ZDHHC15: variants seen among roughly 807,000 people sequenced by gnomAD.
ZDHHC15 encodes the protein zDHHC palmitoyltransferase 15.
A neutral mutation model predicts 31.7 loss-of-function variants in ZDHHC15; 19 were observed. That is an observed-to-expected ratio of 0.60 (90% CI 0.42 to 0.88). The LOEUF (loss-of-function observed/expected upper bound fraction) is 0.88. ZDHHC15 is among the 40% of genes least tolerant of loss of function. The probability of loss-of-function intolerance (pLI) is 0.00; values close to 1 mark genes in which losing one functional copy is unlikely to be tolerated. For synonymous variants in ZDHHC15, 103 were observed against 90.0 expected (o/e 1.14, Z -0.82); for missense variants, 209 against 251.2 (o/e 0.83, Z 1.14).
At chrX:75,476,733 T>A (rs1178738714) in intron 3 of ZDHHC15, among the ~76,000 whole-genome samples, 1 of 103,244 alleles carries the variant, frequency 9.7e-6, no homozygotes, top group Admixed American at 1.1e-4. Flanking sequence ...CTCCTCCTCT[T>A]CCTCCCCTCC....
intron 1 of ZDHHC15, among the ~76,000 whole-genome samples, chrX:75,518,331 C>T (rs2085391927): frequency 9.0e-6 from 1 of 110,949 alleles, no homozygotes; most frequent in African/African-American, 3.3e-5. Flanking sequence ...CTTGAATAGA[C>T]ATTTTCCCAA....
At chrX:75,412,183 A>G (rs2083491814) in intron 10 of ZDHHC15, among the ~76,000 whole-genome samples, 3 of 111,938 alleles carry the variant, frequency 2.7e-5, no homozygotes, top group Non-Finnish European at 5.6e-5. Flanking sequence ...GGGGATTTGA[A>G]TTGATATCGC....
At chrX:75,379,472 C>G (rs1447134085) in intron 10 of ZDHHC15, among the ~76,000 whole-genome samples, 1 of 112,017 alleles carries the variant, frequency 8.9e-6, no homozygotes, top group African/African-American at 3.2e-5. Context: ...GATGACAGCT[C>G]AACATAATCT....
At chrX:75,406,629 C>T (rs1004099422) in intron 10 of ZDHHC15, among the ~76,000 whole-genome samples, 2 of 107,199 alleles carry the variant, frequency 1.9e-5, no homozygotes, top group Non-Finnish European at 3.8e-5. Context: ...TACAACCTAC[C>T]AAGGTTGAAC....
At chrX:75,438,353 G>A (rs939043998) in intron 4 of ZDHHC15, among the ~76,000 whole-genome samples, 3 of 111,506 alleles carry the variant, frequency 2.7e-5, no homozygotes, top group Admixed American at 9.5e-5. Context: ...CCAGTATTAG[G>A]TGCATATATA....
At chrX:75,386,119 T>C (rs1175038396) in intron 10 of ZDHHC15, among the ~76,000 whole-genome samples, 1 of 112,018 alleles carries the variant, frequency 8.9e-6, no homozygotes, top group Admixed American at 9.5e-5. Flanking sequence ...TTTCTTCTAC[T>C]GTGGGCAGTA....
chrX:75,393,861 C>A (rs1276493411), intron 10 of ZDHHC15, among the ~76,000 whole-genome samples: 2 of 111,970 alleles, frequency 1.8e-5, no homozygotes, highest in Non-Finnish European at 3.8e-5. Context: ...GTCCAAGTTA[C>A]AAAACTGAAG....
chrX:75,439,613 C>T (rs1242904378), intron 4 of ZDHHC15, among the ~76,000 whole-genome samples: 2 of 111,662 alleles, frequency 1.8e-5, no homozygotes, highest in African/African-American at 6.5e-5. Context: ...TCATCTTTCT[C>T]TGATCCCTCC....
In ZDHHC15 at chrX:75,386,963, C is replaced by A. The variant is rs758736205; in HGVS notation, c.968-7765G>T. 5.8e-4 allele frequency among the ~76,000 whole-genome samples: 64 copies of A among 111,196 alleles called. 1 individual carries two copies. The highest frequency in any genetic ancestry group is 1.3e-4 in the Non-Finnish European group (7 of 53,033). On this transcript the variant is annotated intron_variant, in intron 10 of 11. Coordinates refer to ENST00000373367, the MANE Select transcript of ZDHHC15 (RefSeq NM_144969.3). ...AGAGAAACTGATTTTACCTTCCTTA[C>A]TAGGAAATAAAGGAACTACACCTAA...
chrX:75,486,699 C>T lies in ZDHHC15; in HGVS notation c.164-7714G>A, dbSNP rs2084783290. On this transcript the variant is annotated intron_variant, in intron 2 of 11. Transcript: ENST00000373367. Reference sequence around the variant, plus strand: ...CTGGCTGCATGGATGCTAGGTGAGGCCTGTCACTGCTGGCTTTCCCCCACT... The same window carrying T: ...CTGGCTGCATGGATGCTAGGTGAGGTCTGTCACTGCTGGCTTTCCCCCACT... 3.6e-5 allele frequency among the ~76,000 whole-genome samples: 4 copies of T among 111,512 alleles called. No homozygotes were observed. In the South Asian group the frequency reaches 1.5e-3, roughly 42 times the overall value.
Position 75,368,944 on chromosome X carries a change from T to C in ZDHHC15, c.*4034A>G, listed in dbSNP as rs1485968366. The C allele has an allele frequency of 2.7e-5, 3 of 111,757 alleles. No homozygotes were observed. Among genetic ancestry groups the C allele is most frequent in the African/African-American group, 9.8e-5 (3 of 30,735 alleles). 9.2% of individuals were successfully genotyped at this position (111,757 alleles called of 1,213,427 possible). ...ACTAGGAGCCACCCATTCATTATTA[T>C]ATAATACCCGCATGCAAAAGGCTAC... On this transcript the variant is annotated 3_prime_UTR_variant, in exon 12 of 12. Transcript: ENST00000373367.
intron 10 of ZDHHC15, among the ~76,000 whole-genome samples, chrX:75,397,230 G>A (rs1284497960): frequency 9.1e-6 from 1 of 110,003 alleles, no homozygotes; most frequent in Non-Finnish European, 1.9e-5. Flanking sequence ...AGAAGGCTGA[G>A]GCATGAGAAT....
intron 4 of ZDHHC15, among the ~76,000 whole-genome samples, chrX:75,445,604 A>G (rs769119461): frequency 8.9e-6 from 1 of 111,859 alleles, no homozygotes; most frequent in Non-Finnish European, 1.9e-5. Flanking sequence ...TGCTTATTGC[A>G]TGTAGCCACA....
intron 11 of ZDHHC15, among the ~76,000 whole-genome samples, chrX:75,374,687 G>GTGTGTATA (rs745526466): frequency 4.3e-4 from 39 of 91,678 alleles, no homozygotes; most frequent in African/African-American, 1.3e-3. Context: ...GTGTGTGTGT[G>GTGTGTATA]TATATATATA....
intron 11 of ZDHHC15, among the ~76,000 whole-genome samples, chrX:75,373,539 ACC>A (rs771560377): frequency 1.8e-5 from 2 of 111,499 alleles, no homozygotes; most frequent in Non-Finnish European, 3.8e-5. Context: ...AAAAATTCAT[ACC>A]AGTAATTTTG....
chrX:75,487,886 G>A (rs2084803621), intron 2 of ZDHHC15, among the ~76,000 whole-genome samples: 1 of 111,856 alleles, frequency 8.9e-6, no homozygotes, highest in Non-Finnish European at 1.9e-5. Flanking sequence ...AAAATACACT[G>A]GAAAGTTTCA....
In ZDHHC15 at chrX:75,368,906, T is replaced by C. The variant is rs1602525198; in HGVS notation, c.*4072A>G. 9.0e-6 allele frequency: 1 copy of C among 111,683 alleles called. No homozygotes were observed. The highest frequency in any genetic ancestry group is 1.9e-5 in the Non-Finnish European group (1 of 53,139). 9.2% of individuals were successfully genotyped at this position (111,683 alleles called of 1,213,427 possible). On this transcript the variant is annotated 3_prime_UTR_variant, in exon 12 of 12. Coordinates refer to ENST00000373367, the MANE Select transcript of ZDHHC15 (RefSeq NM_144969.3). ...ACCCTTTTAGGGAAGTAAACAGTCA[T>C]GGGTTGCATGCTACTAGGAGCCACC...
At chrX:75,413,205 A>G (rs190618102) in intron 10 of ZDHHC15, among the ~76,000 whole-genome samples, 1 of 112,468 alleles carries the variant, frequency 8.9e-6, no homozygotes, top group East Asian at 2.8e-4. Context: ...ATAAATAAGC[A>G]TACATATTTA....
At chrX:75,373,248 C>G (rs1395814795) in intron 11 of ZDHHC15, among the ~76,000 whole-genome samples, 4 of 111,324 alleles carry the variant, frequency 3.6e-5, no homozygotes, top group Non-Finnish European at 7.5e-5. Flanking sequence ...TCCACATTTT[C>G]TTTAGTAAAT....
Sources: allele counts gnomAD v4.1 joint callset (sites outside exome capture counted in the v4.1 genomes callset), GRCh38; gene constraint gnomAD v4.1.1; transcripts MANE v1.5; gene names NCBI Gene and HGNC (gene_info 2026-07-23, HGNC 2026-07-21).